Variants in MTMR7 observed in about 807,000 individuals in gnomAD.
MTMR7 encodes the protein phosphatidylinositol-3-phosphate phosphatase MTMR7.
A neutral mutation model predicts 81.2 loss-of-function variants in MTMR7; 76 were observed. That is an observed-to-expected ratio of 0.94 (90% CI 0.78 to 1.13). MTMR7 has a LOEUF of 1.13. MTMR7 is among the 50% of genes most tolerant of loss of function. The pLI is 0.00. For synonymous variants in MTMR7, 372 were observed against 289.8 expected (o/e 1.28, Z -2.88); for missense variants, 1,044 against 820.0 (o/e 1.27, Z -3.34).
intron 1 of MTMR7, among the ~76,000 whole-genome samples, chr8:17,378,653 C>A (rs765022410): frequency 1.3e-5 from 2 of 152,152 alleles, no homozygotes; most frequent in Non-Finnish European, 2.9e-5. Flanking sequence ...TATTCATACT[C>A]TGAAAAAGGC....
At chr8:17,363,936 T>G (rs1198008717) in intron 3 of MTMR7, among the ~76,000 whole-genome samples, 2 of 83,562 alleles carry the variant, frequency 2.4e-5, no homozygotes, top group East Asian at 5.4e-4. Context: ...TTGACAATCC[T>G]TTTTTTTTTT....
intron 6 of MTMR7, among the ~76,000 whole-genome samples, chr8:17,335,169 T>A (rs1819192156): frequency 6.6e-6 from 1 of 151,958 alleles, no homozygotes; most frequent in East Asian, 1.9e-4. Flanking sequence ...CAGAGAGGGA[T>A]GGGCACGGAA....
At chr8:17,378,428 A>G (rs1341618805) in intron 1 of MTMR7, among the ~76,000 whole-genome samples, 1 of 152,214 alleles carries the variant, frequency 6.6e-6, no homozygotes, top group Non-Finnish European at 1.5e-5. Flanking sequence ...TTTGGGCACC[A>G]TCTTGAAGAC....
chr8:17,306,404 G>C (rs1399914171), intron 10 of MTMR7, among the ~76,000 whole-genome samples: 2 of 151,874 alleles, frequency 1.3e-5, no homozygotes, highest in Admixed American at 1.3e-4. Context: ...AAAAAAAATA[G>C]TGGTTTCCCA....
chr8:17,312,123 C>T (rs1817814632), intron 8 of MTMR7, among the ~76,000 whole-genome samples: 1 of 152,134 alleles, frequency 6.6e-6, no homozygotes, highest in Non-Finnish European at 1.5e-5. Context: ...AAAATGACAC[C>T]AGAAAATCTC....
At chr8:17,365,701 T>G (rs1046635784) in intron 3 of MTMR7, among the ~76,000 whole-genome samples, 1 of 152,212 alleles carries the variant, frequency 6.6e-6, no homozygotes, top group Non-Finnish European at 1.5e-5. Context: ...ATGTGCACCT[T>G]TAATTTTTAA....
chr8:17,320,129 TATAA>T (rs1218868282), intron 7 of MTMR7, among the ~76,000 whole-genome samples: 3 of 151,928 alleles, frequency 2.0e-5, no homozygotes, highest in East Asian at 3.9e-4. Flanking sequence ...AAATTAATAA[TATAA>T]ATATATATAT....
intron 7 of MTMR7, among the ~76,000 whole-genome samples, chr8:17,319,320 TAAA>T (rs1051755449): frequency 6.6e-6 from 1 of 152,166 alleles, no homozygotes; most frequent in Non-Finnish European, 1.5e-5. Context: ...TACACTGGCA[TAAA>T]GAAGATTCCC....
At chr8:17,398,219 C>T (rs1821318468) in intron 1 of MTMR7, among the ~76,000 whole-genome samples, 1 of 152,116 alleles carries the variant, frequency 6.6e-6, no homozygotes, top group Admixed American at 6.5e-5. Flanking sequence ...AGGAAACAAT[C>T]CTGGAGAAAC....
chr8:17,355,487 AATC>A (rs2150552851), intron 4 of MTMR7, among the ~76,000 whole-genome samples: 1 of 152,288 alleles, frequency 6.6e-6, no homozygotes, highest in African/African-American at 2.4e-5. Context: ...AAGCCATAAT[AATC>A]ATAACTGGTA....
At chr8:17,346,918 G>C (rs974058183) in intron 5 of MTMR7, among the ~76,000 whole-genome samples, 3 of 147,294 alleles carry the variant, frequency 2.0e-5, no homozygotes, top group Admixed American at 6.8e-5. Flanking sequence ...AAAGAGGCAA[G>C]GGGCGGCGCC....
chr8:17,370,221 T>A (rs1820374340), intron 3 of MTMR7, among the ~76,000 whole-genome samples: 1 of 151,656 alleles, frequency 6.6e-6, no homozygotes, highest in Admixed American at 6.6e-5. Context: ...AAAAATAAAT[T>A]ATTATCAAAA....
Position 17,298,343 on chromosome 8 carries a change from C to T in MTMR7, c.*1519G>A, listed in dbSNP as rs1816875451. The T allele has an allele frequency of 6.6e-6, 1 of 152,092 alleles. No homozygotes were observed. Among genetic ancestry groups the T allele is most frequent in the East Asian group, 1.9e-4 (1 of 5,186 alleles). The allele number at this position is 152,092 out of a possible 1,614,324, so 9.4% of individuals were successfully genotyped here. A position where few individuals can be genotyped will look rare whatever the true frequency, so the allele number is the denominator to read the frequency against. On this transcript the variant is annotated 3_prime_UTR_variant, in exon 14 of 14. Coordinates refer to ENST00000180173, the MANE Select transcript of MTMR7 (RefSeq NM_004686.5). ...TTATATTCTGAAAGAATTAATTACA[C>T]TTGCTTTATTTTTTACATTAACAGT...
chr8:17,332,348 A>G (rs62498856), intron 6 of MTMR7, among the ~76,000 whole-genome samples: 19,820 of 152,240 alleles, frequency 0.13, 1,813 homozygotes, highest in African/African-American at 0.26. Flanking sequence ...GACAAAATTA[A>G]AAGTACCAGC....
At chr8:17,359,252 G>A (rs1477039389) in intron 4 of MTMR7, among the ~76,000 whole-genome samples, 2 of 151,914 alleles carry the variant, frequency 1.3e-5, no homozygotes, top group South Asian at 2.1e-4. Flanking sequence ...TTCATTTGAC[G>A]GACTACTGTA....
chr8:17,369,633 CT>C lies in MTMR7; in HGVS notation c.310+1403del, dbSNP rs1171828756. On this transcript the variant is annotated intron_variant, in intron 3 of 13. Coordinates refer to ENST00000180173, the MANE Select transcript of MTMR7 (RefSeq NM_004686.5). The stretch of plus-strand genomic sequence containing the variant: ...ACTTAGAGTATAGTAGAGTATATTT[CT>C]TTTTTTCTTTTTTTTTTTTTTTTTT... Among the ~76,000 whole-genome samples, 52 of 129,956 alleles carry C rather than the reference CT, an allele frequency of 4.0e-4. No individual in the cohort carries two copies. In the South Asian group the frequency reaches 9.7e-3, roughly 24 times the overall value. The allele number at this position is 129,956 out of a possible 152,430, so 85.3% of individuals were successfully genotyped here. A position where few individuals can be genotyped will look rare whatever the true frequency, so the allele number is the denominator to read the frequency against.
intron 1 of MTMR7, among the ~76,000 whole-genome samples, chr8:17,376,770 C>G (rs1820602280): frequency 6.6e-6 from 1 of 152,100 alleles, no homozygotes; most frequent in Non-Finnish European, 1.5e-5. Context: ...TTTATTATCG[C>G]ATCGTGAAAG....
At chr8:17,327,442 TTTTA>T (rs1166269070) in intron 7 of MTMR7, among the ~76,000 whole-genome samples, 1 of 151,658 alleles carries the variant, frequency 6.6e-6, no homozygotes, top group Non-Finnish European at 1.5e-5. Flanking sequence ...GGTTGATTTT[TTTTA>T]TTTTTTAAAT....
rs774391588 is a variant in MTMR7, at chr8:17,413,264, C to G, written c.24+5G>C. Reference sequence around the variant, plus strand: ...CCCTCCTCCGCCCGCGCTGGTGTCACCAACCTTGGGCGTACGGATGTGCTC... The same window carrying G: ...CCCTCCTCCGCCCGCGCTGGTGTCAGCAACCTTGGGCGTACGGATGTGCTC... On this transcript the variant is annotated splice_donor_5th_base_variant and intron_variant, in intron 1 of 13. Coordinates refer to ENST00000180173, the MANE Select transcript of MTMR7 (RefSeq NM_004686.5). The G allele has an allele frequency of 5.2e-6, 8 of 1,548,344 alleles. No homozygotes were observed. Among genetic ancestry groups the G allele is most frequent in the Admixed American group, 2.0e-5 (1 of 50,860 alleles).
Sources: allele counts gnomAD v4.1 joint callset (sites outside exome capture counted in the v4.1 genomes callset), GRCh38; gene constraint gnomAD v4.1.1; transcripts MANE v1.5; gene names NCBI Gene and HGNC (gene_info 2026-07-23, HGNC 2026-07-21).